SNTB1: variants seen among roughly 807,000 people sequenced by gnomAD.
The protein encoded by SNTB1 is syntrophin beta 1.
In SNTB1, 36 loss-of-function variants were observed where a neutral mutation model predicts 48.9. The observed-to-expected ratio is 0.74, with a 90% CI of 0.56 to 0.97. SNTB1 has a LOEUF of 0.97. Ranked by LOEUF, SNTB1 falls within the 50% of genes least tolerant of loss-of-function variation. The probability of loss-of-function intolerance (pLI) is 0.00; values close to 1 mark genes in which losing one functional copy is unlikely to be tolerated. For synonymous variants in SNTB1, 299 were observed against 294.6 expected (o/e 1.01, Z -0.15); for missense variants, 786 against 703.4 (o/e 1.12, Z -1.33).
chr8:120,604,410 A>G (rs776715723), intron 3 of SNTB1, among the ~76,000 whole-genome samples: 3 of 151,626 alleles, frequency 2.0e-5, no homozygotes, highest in Non-Finnish European at 4.4e-5. Flanking sequence ...GGTTCATATC[A>G]AAGGCCACTA....
At chr8:120,758,937 A>T (rs1819364285) in intron 1 of SNTB1, among the ~76,000 whole-genome samples, 1 of 152,006 alleles carries the variant, frequency 6.6e-6, no homozygotes, top group Non-Finnish European at 1.5e-5. Flanking sequence ...TTATTTATTT[A>T]TTTATTATTA....
At chr8:120,710,784 C>T (rs1411002038) in intron 1 of SNTB1, among the ~76,000 whole-genome samples, 1 of 152,212 alleles carries the variant, frequency 6.6e-6, no homozygotes, top group Admixed American at 6.5e-5. Context: ...CTTGGACTTC[C>T]CAGCCTCCAG....
chr8:120,739,240 T>C (rs1403744018), intron 1 of SNTB1, among the ~76,000 whole-genome samples: 1 of 152,178 alleles, frequency 6.6e-6, no homozygotes, highest in East Asian at 1.9e-4. Flanking sequence ...ACCCCTCCTA[T>C]CAATCAGCAA....
At chr8:120,765,993 T>G (rs1172224369) in intron 1 of SNTB1, 1 of 152,178 alleles carries the variant, frequency 6.6e-6, no homozygotes, top group Non-Finnish European at 1.5e-5. Flanking sequence ...ACAGTTAGAT[T>G]TCTGTTTTTA....
rs138524598 is a variant in SNTB1, at chr8:120,628,713, A to C, written c.996+3731T>G. Reference sequence around the variant, plus strand: ...AGAGGTTGCAGTGAGCCAACATCACACCACTGCACTCCAGCCTGGGAGACA... The same window carrying C: ...AGAGGTTGCAGTGAGCCAACATCACCCCACTGCACTCCAGCCTGGGAGACA... On this transcript the variant is annotated intron_variant, in intron 3 of 6. Coordinates refer to ENST00000517992, the MANE Select transcript of SNTB1 (RefSeq NM_021021.4). Among the ~76,000 whole-genome samples, 343 of 152,020 alleles carry C rather than the reference A, an allele frequency of 2.3e-3. 1 individual carries two copies. The highest frequency in any genetic ancestry group is 8.0e-3 in the African/African-American group (331 of 41,442).
At chr8:120,667,077 G>T (rs1211633257) in intron 2 of SNTB1, among the ~76,000 whole-genome samples, 1 of 110,682 alleles carries the variant, frequency 9.0e-6, no homozygotes. Context: ...TGCATGTTTG[G>T]TAATTCTCTC....
At chr8:120,742,600 G>A (rs1819058175) in intron 1 of SNTB1, among the ~76,000 whole-genome samples, 1 of 152,146 alleles carries the variant, frequency 6.6e-6, no homozygotes, top group Admixed American at 6.5e-5. Context: ...TTCTCACATT[G>A]GTGAACTCTT....
At chr8:120,613,044 G>A (rs958656126) in intron 3 of SNTB1, among the ~76,000 whole-genome samples, 3 of 152,146 alleles carry the variant, frequency 2.0e-5, no homozygotes, top group African/African-American at 4.8e-5. Flanking sequence ...TCACTCTTAT[G>A]TGGGAACTAA....
chr8:120,724,907 AG>A (rs1818726690), intron 1 of SNTB1, among the ~76,000 whole-genome samples: 1 of 152,194 alleles, frequency 6.6e-6, no homozygotes, highest in Non-Finnish European at 1.5e-5. Context: ...GATGCAGGGT[AG>A]GGGAGTACAA....
chr8:120,809,759 CTGTTA>C (rs1820395542), intron 1 of SNTB1, among the ~76,000 whole-genome samples: 1 of 152,148 alleles, frequency 6.6e-6, no homozygotes, highest in South Asian at 2.1e-4. Flanking sequence ...AACTTTTTTT[CTGTTA>C]TGTTAATCAT....
chr8:120,535,925 T>G lies in SNTB1; in HGVS notation c.*2952A>C, dbSNP rs1815195080. On this transcript the variant is annotated 3_prime_UTR_variant, in exon 7 of 7. Transcript: ENST00000517992. ...TATCTAACGTGTTTGGAAAACAGGG[T>G]CCAGAAAGGCCCTGCCCATTAATTT... The G allele has an allele frequency of 6.6e-6, 1 of 152,102 alleles. No individual in the cohort carries two copies. Among genetic ancestry groups the G allele is most frequent in the African/African-American group, 2.4e-5 (1 of 41,418 alleles). The allele number at this position is 152,102 out of a possible 1,614,324, so 9.4% of individuals were successfully genotyped here.
At chr8:120,673,686 G>A (rs1022061750) in intron 2 of SNTB1, among the ~76,000 whole-genome samples, 2 of 151,914 alleles carry the variant, frequency 1.3e-5, no homozygotes, top group South Asian at 2.1e-4. Flanking sequence ...CTGTTTCAGG[G>A]CCTCTTGCTC....
At chr8:120,781,683 A>T (rs914584935) in intron 1 of SNTB1, among the ~76,000 whole-genome samples, 1 of 152,186 alleles carries the variant, frequency 6.6e-6, no homozygotes, top group Non-Finnish European at 1.5e-5. Flanking sequence ...TATGAATTTC[A>T]CAAAACAGAG....
chr8:120,749,763 G>C (rs1234162679), intron 1 of SNTB1, among the ~76,000 whole-genome samples: 1 of 152,016 alleles, frequency 6.6e-6, no homozygotes, highest in South Asian at 2.1e-4. Context: ...TGCAATATGT[G>C]GGTTGGCTTG....
intron 1 of SNTB1, among the ~76,000 whole-genome samples, chr8:120,699,752 G>C (rs902648235): frequency 6.6e-6 from 1 of 152,066 alleles, no homozygotes; most frequent in Non-Finnish European, 1.5e-5. Context: ...CTTTATTCTT[G>C]ACAGCTCTAT....
At chr8:120,745,628 T>C (rs1217597372) in intron 1 of SNTB1, among the ~76,000 whole-genome samples, 1 of 152,142 alleles carries the variant, frequency 6.6e-6, no homozygotes, top group East Asian at 1.9e-4. Context: ...CTGAAGGCTT[T>C]AGAAACATGG....
chr8:120,701,228 A>G (rs934472628), intron 1 of SNTB1, among the ~76,000 whole-genome samples: 2 of 152,226 alleles, frequency 1.3e-5, no homozygotes, highest in Non-Finnish European at 2.9e-5. Context: ...TATGTTTCTC[A>G]GAAGTTATAG....
intron 2 of SNTB1, among the ~76,000 whole-genome samples, chr8:120,657,797 T>C (rs1348255688): frequency 6.6e-6 from 1 of 152,226 alleles, no homozygotes; most frequent in Non-Finnish European, 1.5e-5. Context: ...TTGCCAGACA[T>C]GCCAGGAGCC....
At chr8:120,758,332 G>A (rs559545660) in intron 1 of SNTB1, among the ~76,000 whole-genome samples, 1 of 152,222 alleles carries the variant, frequency 6.6e-6, no homozygotes, top group African/African-American at 2.4e-5. Context: ...GGGTTGAGGG[G>A]AGGATATGAG....
Sources: gnomAD v4.1 joint callset for allele counts (sites outside exome capture counted in the v4.1 genomes callset) on GRCh38, gnomAD v4.1.1 for gene constraint, MANE v1.5 for transcripts, NCBI Gene and HGNC (gene_info 2026-07-23, HGNC 2026-07-21) for gene names.